Variants in SIL1 observed in about 807,000 individuals in gnomAD.
SIL1 encodes the protein nucleotide exchange factor SIL1.
SIL1 carries 40 observed loss-of-function variants against 49.1 expected under a neutral mutation model. The observed-to-expected ratio is 0.81, with a 90% CI of 0.63 to 1.06. The LOEUF (loss-of-function observed/expected upper bound fraction) is 1.06, where lower values mean the gene tolerates loss of function less well. SIL1 is among the 50% of genes least tolerant of loss of function. The pLI is 0.00. For missense variants in SIL1, 500 were observed against 572.6 expected (o/e 0.87, Z 1.29); for synonymous variants, 253 against 250.8 (o/e 1.01, Z -0.08).
intron 1 of SIL1, among the ~76,000 whole-genome samples, chr5:139,150,558 C>T (rs181841053): frequency 6.6e-6 from 1 of 152,164 alleles, no homozygotes; most frequent in African/African-American, 2.4e-5. Flanking sequence ...CAAGCCAGAC[C>T]CAAGCAGAGC....
At chr5:139,180,299 T>A (rs1751959633) in intron 1 of SIL1, among the ~76,000 whole-genome samples, 1 of 137,860 alleles carries the variant, frequency 7.3e-6, no homozygotes, top group Non-Finnish European at 1.5e-5. Context: ...GAGAATCACA[T>A]GAAACCAGGA....
chr5:138,997,509 T>C (rs1767896739), intron 7 of SIL1, among the ~76,000 whole-genome samples: 1 of 152,132 alleles, frequency 6.6e-6, no homozygotes, highest in Non-Finnish European at 1.5e-5. Flanking sequence ...GGTTGTTTTG[T>C]TGGTTTGTTT....
At chr5:138,977,910 C>G (rs1171202286) in intron 7 of SIL1, among the ~76,000 whole-genome samples, 1 of 152,198 alleles carries the variant, frequency 6.6e-6, no homozygotes, top group African/African-American at 2.4e-5. Context: ...CTGGAAAACC[C>G]TTGGCCTAAT....
chr5:139,057,080 G>A (rs931727926), intron 3 of SIL1, among the ~76,000 whole-genome samples: 1 of 151,856 alleles, frequency 6.6e-6, no homozygotes, highest in African/African-American at 2.4e-5. Context: ...GATTAAGGGC[G>A]CTGCAAGATG....
chr5:139,092,996 A>G (rs1036549738), intron 3 of SIL1, among the ~76,000 whole-genome samples: 1 of 152,162 alleles, frequency 6.6e-6, no homozygotes, highest in African/African-American at 2.4e-5. Flanking sequence ...TTTATTAAAA[A>G]AGCAAGTCCA....
chr5:139,007,527 C>T (rs1768149786), intron 7 of SIL1, among the ~76,000 whole-genome samples: 1 of 92,890 alleles, frequency 1.1e-5, no homozygotes, highest in Non-Finnish European at 2.1e-5. Flanking sequence ...GAGGGCATCC[C>T]TGTCTTGTGC....
chr5:139,053,768 A>G (rs1471691548), intron 3 of SIL1, among the ~76,000 whole-genome samples: 1 of 152,038 alleles, frequency 6.6e-6, no homozygotes, highest in African/African-American at 2.4e-5. Flanking sequence ...CATCCTTCCA[A>G]TCCCAGCTAA....
intron 7 of SIL1, among the ~76,000 whole-genome samples, chr5:139,020,062 C>T (rs1286895132): frequency 6.6e-6 from 1 of 152,162 alleles, no homozygotes; most frequent in Non-Finnish European, 1.5e-5. Context: ...TCCTGGGAGA[C>T]TTTGGTTCTG....
At chr5:139,042,474 TA>T in intron 5 of SIL1, 145 bp downstream of exon 5, 2 of 778,148 alleles carry the variant, frequency 2.6e-6, no homozygotes, top group East Asian at 5.3e-5. Context: ...AAGGGTTTCT[TA>T]TTTGTCATTA....
chr5:139,140,421 G>A (rs1751057890), intron 1 of SIL1, among the ~76,000 whole-genome samples: 1 of 152,184 alleles, frequency 6.6e-6, no homozygotes, highest in South Asian at 2.1e-4. Flanking sequence ...CCAAGCACAG[G>A]ACTTGCTACT....
At chr5:138,960,505 C>A (rs1766996685) in intron 7 of SIL1, among the ~76,000 whole-genome samples, 1 of 151,580 alleles carries the variant, frequency 6.6e-6, no homozygotes, top group African/African-American at 2.4e-5. Flanking sequence ...TCACTGCAAC[C>A]TCCACCTCCC....
intron 3 of SIL1, among the ~76,000 whole-genome samples, chr5:139,070,283 T>C (rs544514169): frequency 6.6e-6 from 1 of 151,966 alleles, no homozygotes; most frequent in East Asian, 1.9e-4. Flanking sequence ...TATAATCCCC[T>C]GTGTCCAGAA....
rs1327925517 is a variant in SIL1, at chr5:138,947,537, G to A, written c.1030-64C>T. 24 of 1,436,416 alleles carry A rather than the reference G, an allele frequency of 1.7e-5. No homozygotes were observed. Among genetic ancestry groups the A allele is most frequent in the Admixed American group, 5.0e-5 (3 of 59,766 alleles). The allele number at this position is 1,436,416 out of a possible 1,614,324, so 89.0% of individuals were successfully genotyped here. A position where few individuals can be genotyped will look rare whatever the true frequency, so the allele number is the denominator to read the frequency against. The stretch of plus-strand genomic sequence containing the variant: ...GTGGGGAGAGAACACACAGGGAGCA[G>A]TTAGCTCACACCTGGCTAGCTCTGC... On this transcript the variant is annotated intron_variant, in intron 9 of 9. Transcript: ENST00000394817. This position sits in a 1 kb window ranked among gnomAD's most constrained non-coding sequence, Gnocchi z 4.1.
intron 7 of SIL1, among the ~76,000 whole-genome samples, chr5:138,986,544 G>T (rs1767652909): frequency 6.6e-6 from 1 of 152,164 alleles, no homozygotes; most frequent in South Asian, 2.1e-4. Flanking sequence ...CTGGGTTATT[G>T]TGACCCTTTC....
In SIL1 at chr5:139,183,726, G is replaced by A. The variant is rs75536946; in HGVS notation, c.-11+14543C>T. ...GAAGACCTGTGGGAAGAGGCCACCC[G>A]GCAAAGGCAGGCTGTGTATGGTAAG... On this transcript the variant is annotated intron_variant, in intron 1 of 9. Transcript: ENST00000394817. Among the ~76,000 whole-genome samples the A allele has an allele frequency of 7.9e-3, 1,201 of 152,298 alleles. 16 individuals are homozygous for A. Among genetic ancestry groups the A allele is most frequent in the East Asian group, 0.055 (286 of 5,184 alleles).
At chr5:138,970,051 G>A (rs1767237162) in intron 7 of SIL1, among the ~76,000 whole-genome samples, 2 of 152,250 alleles carry the variant, frequency 1.3e-5, no homozygotes, top group South Asian at 4.1e-4. Context: ...GAAGACAGCA[G>A]CCTGAGGTAT....
At chr5:138,998,315 G>A (rs1165622362) in intron 7 of SIL1, among the ~76,000 whole-genome samples, 2 of 152,044 alleles carry the variant, frequency 1.3e-5, no homozygotes, top group Admixed American at 6.6e-5. Context: ...CCACAGGCGC[G>A]CACCACCACA....
At chr5:139,111,713 A>G (rs1770842521) in intron 3 of SIL1, among the ~76,000 whole-genome samples, 1 of 152,172 alleles carries the variant, frequency 6.6e-6, no homozygotes, top group Non-Finnish European at 1.5e-5. Context: ...CTCTTCTACT[A>G]TCAAACTCCT....
At chr5:138,966,224 G>A (rs755373423) in intron 7 of SIL1, among the ~76,000 whole-genome samples, 1 of 152,136 alleles carries the variant, frequency 6.6e-6, no homozygotes, top group South Asian at 2.1e-4. Flanking sequence ...GAAGGTGGGG[G>A]CAAGGCAGGA....
Sources: allele counts gnomAD v4.1 joint callset (sites outside exome capture counted in the v4.1 genomes callset), GRCh38; gene constraint gnomAD v4.1.1; non-coding constraint Gnocchi (gnomAD v3.1); transcripts MANE v1.5; gene names NCBI Gene and HGNC (gene_info 2026-07-23, HGNC 2026-07-21).